The following CNNM1 variants were observed in gnomAD, a reference collection of about 807,000 sequenced individuals.
The protein encoded by CNNM1 is cyclin and CBS domain divalent metal cation transport mediator 1.
A neutral mutation model predicts 78.8 loss-of-function variants in CNNM1; 44 were observed. The observed-to-expected ratio is 0.56, with a 90% CI of 0.44 to 0.72. The LOEUF is 0.72. CNNM1 is among the 30% of genes least tolerant of loss of function. The pLI is 0.00. For synonymous variants in CNNM1, 584 were observed against 581.5 expected (o/e 1.00, Z -0.06); for missense variants, 1,101 against 1,292.2 (o/e 0.85, Z 2.27).
intron 1 of CNNM1, among the ~76,000 whole-genome samples, chr10:99,345,280 GCTTGGT>G: frequency 6.6e-6 from 1 of 152,192 alleles, no homozygotes; most frequent in South Asian, 2.1e-4. Context: ...TCAGGATTCA[GCTTGGT>G]TTACATCAAA....
At chr10:99,364,396 C>G in intron 4 of CNNM1, 21 bp from the exon 5 acceptor site, 1 of 1,550,962 alleles carries the variant, frequency 6.4e-7, no homozygotes, top group Non-Finnish European at 8.8e-7. Context: ...TCATAGTACA[C>G]TTCCTTTTTT....
chr10:99,362,403 A>G lies in CNNM1; in HGVS notation c.2028+7A>G, dbSNP rs771929003. On this transcript the variant is annotated splice_region_variant and intron_variant, in intron 4 of 10. Transcript: ENST00000356713. The stretch of plus-strand genomic sequence containing the variant: ...CTTTGTGCTGCTTCTACAGGTGAGT[A>G]GGAAAGTCAGGGAACCTCTGAGAGC... 3 of 1,606,640 alleles carry G rather than the reference A, an allele frequency of 1.9e-6. No homozygotes were observed. The highest frequency in any genetic ancestry group is 2.7e-5 in the African/African-American group (2 of 74,290).
chr10:99,329,468 C>T lies in CNNM1; in HGVS notation c.81C>T (p.Leu27=). The change falls in exon 1 of 11, where the codon CTC becomes CTT. Residue 27 remains leucine, a synonymous_variant. Coordinates refer to ENST00000356713, the MANE Select transcript of CNNM1 (RefSeq NM_020348.3). ...GCAGCCGAGGCGCTGTGCTCCTGCTCTTCTTTTCCCTGTCTCCTCGGCCCC... is the reference window on the plus strand; with the variant it reads ...GCAGCCGAGGCGCTGTGCTCCTGCTTTTCTTTTCCCTGTCTCCTCGGCCCC... ...DCCSRGAVLL[L]FFSLSPRPPA... is the part of the protein sequence containing the mutation. 2 of 1,455,388 alleles carry T rather than the reference C, an allele frequency of 1.4e-6. No individual in the cohort carries two copies. Among genetic ancestry groups the T allele is most frequent in the Non-Finnish European group, 1.8e-6 (2 of 1,085,290 alleles). The allele number at this position is 1,455,388 out of a possible 1,614,324, so 90.2% of individuals were successfully genotyped here.
intron 1 of CNNM1, 66 bp downstream of exon 1, chr10:99,331,026 A>C: frequency 1.4e-6 from 2 of 1,460,806 alleles, no homozygotes; most frequent in South Asian, 1.3e-5. Flanking sequence ...TTTCCTAACC[A>C]CGTGAGGCTC....
intron 7 of CNNM1, among the ~76,000 whole-genome samples, chr10:99,379,042 C>T (rs2032060238): frequency 6.6e-6 from 1 of 152,252 alleles, no homozygotes; most frequent in East Asian, 1.9e-4. Flanking sequence ...ATTGCTAATG[C>T]AGACCTTCCC....
At chr10:99,367,274 G>A (rs1390261631) in intron 6 of CNNM1, among the ~76,000 whole-genome samples, 2 of 152,172 alleles carry the variant, frequency 1.3e-5, no homozygotes, top group Non-Finnish European at 2.9e-5. Flanking sequence ...TATGCTTGAA[G>A]CTAGCTTAAT....
chr10:99,379,080 A>G (rs985573466), intron 7 of CNNM1, among the ~76,000 whole-genome samples: 1 of 152,240 alleles, frequency 6.6e-6, no homozygotes. Context: ...AAAAAGTGGG[A>G]AAAGAGGAAC....
Position 99,337,278 on chromosome 10 carries a change from T to C in CNNM1, c.1573+6318T>C, listed in dbSNP as rs546445261. 2.6e-5 allele frequency among the ~76,000 whole-genome samples: 4 copies of C among 152,310 alleles called. No homozygotes were observed. The South Asian group carries it at 8.3e-4, about 32-fold the overall frequency. ...AATAATCTCCAGTAATGTCACTGCT[T>C]AAAACCCTTCAGCAGCTCCCCGCTG... On this transcript the variant is annotated intron_variant, in intron 1 of 10. Transcript: ENST00000356713.
intron 7 of CNNM1, among the ~76,000 whole-genome samples, chr10:99,381,562 C>T (rs190638657): frequency 6.6e-6 from 1 of 151,684 alleles, no homozygotes; most frequent in Admixed American, 6.6e-5. Context: ...GCCAACATGG[C>T]GAAACCCCAT....
At chr10:99,337,759 A>T (rs2030256053) in intron 1 of CNNM1, among the ~76,000 whole-genome samples, 1 of 152,232 alleles carries the variant, frequency 6.6e-6, no homozygotes, top group Admixed American at 6.5e-5. Context: ...GATGCATATG[A>T]CACATAGTAA....
intron 4 of CNNM1, among the ~76,000 whole-genome samples, chr10:99,362,829 A>T (rs1419398228): frequency 6.6e-6 from 1 of 152,166 alleles, no homozygotes; most frequent in Admixed American, 6.5e-5. Flanking sequence ...TGTGACTTCC[A>T]TACTGGTCCT....
At chr10:99,351,030 C>T (rs73328315) in intron 1 of CNNM1, among the ~76,000 whole-genome samples, 4,188 of 152,316 alleles carry the variant, frequency 0.027, 192 homozygotes, top group African/African-American at 0.095. Context: ...TTGAGAACCA[C>T]TGCTTTAAAA....
At chr10:99,361,088 G>A (rs1234077018) in intron 3 of CNNM1, 113 bp downstream of exon 3, 19 of 1,191,008 alleles carry the variant, frequency 1.6e-5, no homozygotes, top group Non-Finnish European at 2.2e-5. Context: ...TCAGGACTGA[G>A]AAGCACTGTT....
chr10:99,373,228 A>G (rs1394211827), intron 6 of CNNM1, among the ~76,000 whole-genome samples: 1 of 152,214 alleles, frequency 6.6e-6, no homozygotes, highest in African/African-American at 2.4e-5. Flanking sequence ...GATGTGGAAC[A>G]ACTGGTGTAG....
intron 1 of CNNM1, among the ~76,000 whole-genome samples, chr10:99,348,612 C>T (rs554052515): frequency 1.3e-5 from 2 of 152,226 alleles, no homozygotes; most frequent in South Asian, 4.1e-4. Flanking sequence ...CTTAGGGTAA[C>T]TAGAGTTAAT....
chr10:99,329,567 C>T lies in CNNM1; in HGVS notation c.180C>T (p.Gly60=), dbSNP rs1850548595. Reference sequence around the variant, plus strand: ...GAGGCCGCGTGTCCCTGGAGGGGGGCACCCTGCGCGCCGCCGAAGGCACCA... The same window carrying T: ...GAGGCCGCGTGTCCCTGGAGGGGGGTACCCTGCGCGCCGCCGAAGGCACCA... ...TAGGRVSLEG[G]TLRAAEGTSF... The change falls in exon 1 of 11, where the codon GGC becomes GGT. Residue 60 remains glycine (G), a synonymous_variant. Coordinates refer to ENST00000356713, the MANE Select transcript of CNNM1 (RefSeq NM_020348.3). The T allele has an allele frequency of 1.3e-6, 2 of 1,525,674 alleles. No individual in the cohort carries two copies. Among genetic ancestry groups the T allele is most frequent in the Admixed American group, 4.1e-5 (2 of 49,260 alleles). The allele number at this position is 1,525,674 out of a possible 1,614,324, so 94.5% of individuals were successfully genotyped here. A position where few individuals can be genotyped will look rare whatever the true frequency, so the allele number is the denominator to read the frequency against.
intron 1 of CNNM1, among the ~76,000 whole-genome samples, chr10:99,352,083 A>G (rs942718751): frequency 6.6e-6 from 1 of 152,140 alleles, no homozygotes; most frequent in Non-Finnish European, 1.5e-5. Context: ...TAATTCCAGA[A>G]CACTTCATCA....
At chr10:99,348,187 C>A (rs918939715) in intron 1 of CNNM1, among the ~76,000 whole-genome samples, 1 of 151,888 alleles carries the variant, frequency 6.6e-6, no homozygotes, top group African/African-American at 2.4e-5. Flanking sequence ...GGACTACAGG[C>A]ATGCACCACC....
chr10:99,375,455 T>C (rs551114013), intron 6 of CNNM1, among the ~76,000 whole-genome samples: 2 of 152,254 alleles, frequency 1.3e-5, no homozygotes, highest in South Asian at 2.1e-4. Context: ...GGGTTTCTGG[T>C]TTCAGGAACT....
Sources: allele counts gnomAD v4.1 joint callset (sites outside exome capture counted in the v4.1 genomes callset), GRCh38; gene constraint gnomAD v4.1.1; transcripts MANE v1.5; gene names NCBI Gene and HGNC (gene_info 2026-07-23, HGNC 2026-07-21).